The following TRIM44 variants were observed in gnomAD, a reference collection of about 807,000 sequenced individuals.
TRIM44 encodes tripartite motif containing 44, also known as tripartite motif-containing protein 44.
Under a neutral mutation model 37.4 loss-of-function variants are expected in TRIM44, and 13 were observed. That is an observed-to-expected ratio of 0.35 (90% CI 0.23 to 0.55). The LOEUF (loss-of-function observed/expected upper bound fraction) is 0.55. Ranked by LOEUF, TRIM44 falls within the 20% of genes least tolerant of loss-of-function variation. The pLI is 0.89. For synonymous variants in TRIM44, 175 were observed against 157.2 expected (o/e 1.11, Z -0.85); for missense variants, 426 against 437.2 (o/e 0.97, Z 0.23).
intron 4 of TRIM44, among the ~76,000 whole-genome samples, chr11:35,803,122 CT>C (rs1853391896): frequency 6.6e-6 from 1 of 152,152 alleles, no homozygotes; most frequent in Non-Finnish European, 1.5e-5. Context: ...ATGTTAGTGA[CT>C]TACGTAAGAT....
chr11:35,791,696 C>T (rs1853212621), intron 4 of TRIM44, among the ~76,000 whole-genome samples: 1 of 152,124 alleles, frequency 6.6e-6, no homozygotes, highest in Admixed American at 6.5e-5. Flanking sequence ...GCTCCTTGCC[C>T]CGTTGTCTTC....
At chr11:35,772,894 G>A (rs993011831) in intron 4 of TRIM44, among the ~76,000 whole-genome samples, 9 of 152,194 alleles carry the variant, frequency 5.9e-5, no homozygotes, top group Admixed American at 6.5e-5. Context: ...GTGAGGACTT[G>A]AGATTTAAAG....
chr11:35,668,248 T>C (rs1851353289), intron 1 of TRIM44, among the ~76,000 whole-genome samples: 1 of 152,218 alleles, frequency 6.6e-6, no homozygotes, highest in Non-Finnish European at 1.5e-5. Context: ...GTGCAGGATG[T>C]GCAGGTTTGT....
At chr11:35,669,724 C>T (rs1050491936) in intron 1 of TRIM44, among the ~76,000 whole-genome samples, 1 of 152,122 alleles carries the variant, frequency 6.6e-6, no homozygotes, top group Non-Finnish European at 1.5e-5. Flanking sequence ...GGTGATCCAC[C>T]TGCCTTGGCC....
At chr11:35,725,066 T>TCTCACACA (rs371948145) in intron 2 of TRIM44, among the ~76,000 whole-genome samples, 131 of 141,164 alleles carry the variant, frequency 9.3e-4, no homozygotes, top group African/African-American at 2.8e-3. Context: ...ATGCACACAC[T>TCTCACACA]CACACACACA....
chr11:35,675,462 T>G (rs1056204727), intron 1 of TRIM44, among the ~76,000 whole-genome samples: 1 of 152,202 alleles, frequency 6.6e-6, no homozygotes, highest in Non-Finnish European at 1.5e-5. Context: ...TCTGACATCC[T>G]TACTGTGTCA....
chr11:35,801,641 T>C (rs1206933871), intron 4 of TRIM44, among the ~76,000 whole-genome samples: 3 of 152,176 alleles, frequency 2.0e-5, no homozygotes, highest in East Asian at 3.9e-4. Context: ...AGCAGGTGTT[T>C]AGGGTCTGAA....
intron 2 of TRIM44, among the ~76,000 whole-genome samples, chr11:35,699,896 C>T (rs138325304): frequency 2.6e-5 from 4 of 151,872 alleles, no homozygotes; most frequent in Admixed American, 1.3e-4. Flanking sequence ...TTACAAGGGA[C>T]GTGAAGGAGC....
At chr11:35,746,503 T>C (rs1354251363) in intron 4 of TRIM44, among the ~76,000 whole-genome samples, 1 of 146,350 alleles carries the variant, frequency 6.8e-6, no homozygotes, top group Non-Finnish European at 1.5e-5. Context: ...GTTACCTCTT[T>C]ATCCAGAAGC....
chr11:35,787,984 C>T (rs1307041158), intron 4 of TRIM44, among the ~76,000 whole-genome samples: 1 of 152,206 alleles, frequency 6.6e-6, no homozygotes, highest in Non-Finnish European at 1.5e-5. Flanking sequence ...AGCTTTGATG[C>T]CAGCCTATGG....
At chr11:35,694,357 A>G (rs1830816) in intron 2 of TRIM44, among the ~76,000 whole-genome samples, 113,627 of 152,030 alleles carry the variant, frequency 0.75, 43,617 homozygotes, top group African/African-American at 0.93. Context: ...CATGATGTGA[A>G]TTAAGAAGAG....
rs1565400088 is a variant in TRIM44 at position 35,663,774 on chromosome 11, A to T, written c.663A>T (p.Glu221Asp). The T allele has an allele frequency of 6.2e-7, 1 of 1,613,286 alleles. No individual in the cohort carries two copies. The highest frequency in any genetic ancestry group is 8.5e-7 in the Non-Finnish European group (1 of 1,179,722). ...CCACCCTAGACGAAGCCTTTGAAGAATTAAGAGTAAGTATTGGGCCTTCAG... is the reference window on the plus strand; with the variant it reads ...CCACCCTAGACGAAGCCTTTGAAGATTTAAGAGTAAGTATTGGGCCTTCAG... ...QLSTLDEAFE[E>D]LRSKDSGGLK... The change falls in exon 1 of 5, where the codon GAA (glutamate) becomes GAT (aspartate). Residue 221 changes from glutamate (E) to aspartate (D), a missense_variant. Glu to Asp is a conservative substitution (Grantham distance 45). This residue lies in a region of TRIM44 where 331 missense variants were observed against 303.0 expected (regional missense o/e 1.09). Coordinates refer to ENST00000299413, the MANE Select transcript of TRIM44 (RefSeq NM_017583.6).
At chr11:35,748,801 G>A (rs1852526366) in intron 4 of TRIM44, among the ~76,000 whole-genome samples, 2 of 152,166 alleles carry the variant, frequency 1.3e-5, no homozygotes, top group African/African-American at 2.4e-5. Flanking sequence ...TATGTCCCAA[G>A]CCCTGATCAG....
At chr11:35,702,382 G>T (rs1453613419) in intron 2 of TRIM44, among the ~76,000 whole-genome samples, 1 of 152,178 alleles carries the variant, frequency 6.6e-6, no homozygotes, top group African/African-American at 2.4e-5. Context: ...CTGCGGAGTG[G>T]GCACATCCCT....
chr11:35,723,810 A>C (rs1852136976), intron 2 of TRIM44, among the ~76,000 whole-genome samples: 1 of 152,196 alleles, frequency 6.6e-6, no homozygotes, highest in Non-Finnish European at 1.5e-5. Context: ...AGGCATTCAG[A>C]AAAGTCCATC....
chr11:35,813,357 A>G lies in TRIM44; in HGVS notation c.*6972A>G, dbSNP rs549962562. The G allele has an allele frequency of 6.6e-6, 1 of 152,362 alleles. No individual in the cohort carries two copies. The highest frequency in any genetic ancestry group is 2.4e-5 in the African/African-American group (1 of 41,596). 9.4% of individuals were successfully genotyped at this position (152,362 alleles called of 1,614,324 possible). On this transcript the variant is annotated 3_prime_UTR_variant, in exon 5 of 5. Coordinates refer to ENST00000299413, the MANE Select transcript of TRIM44 (RefSeq NM_017583.6). ...CATCAAAAGTGACTGAGAATTAAGA[A>G]GTAAGCAAACAAGGCTTCCAACCAA...
rs11825171 is a variant in TRIM44, at chr11:35,804,484, C to T, written c.1008-1874C>T. Among the ~76,000 whole-genome samples, 280 of 152,306 alleles carry T rather than the reference C, an allele frequency of 1.8e-3. 2 individuals are homozygous for T. The highest frequency in any genetic ancestry group is 6.5e-3 in the African/African-American group (269 of 41,560). Reference sequence around the variant, plus strand: ...AGGTCCATGAACGTTTAAACTATGTCTCACGTTAAGAATGCTAAAAAGTGA... The same window carrying T: ...AGGTCCATGAACGTTTAAACTATGTTTCACGTTAAGAATGCTAAAAAGTGA... On this transcript the variant is annotated intron_variant, in intron 4 of 4. Coordinates refer to ENST00000299413, the MANE Select transcript of TRIM44 (RefSeq NM_017583.6).
intron 3 of TRIM44, among the ~76,000 whole-genome samples, chr11:35,731,296 G>A (rs755218720): frequency 8.5e-5 from 13 of 152,092 alleles, no homozygotes; most frequent in Non-Finnish European, 1.8e-4. Flanking sequence ...ACAAACTGAT[G>A]TTGACTTTTG....
intron 4 of TRIM44, among the ~76,000 whole-genome samples, chr11:35,758,197 C>T (rs754272727): frequency 3.3e-5 from 5 of 152,018 alleles, no homozygotes; most frequent in African/African-American, 9.7e-5. Context: ...ATTGGGTGCA[C>T]GTATATTTAG....
Sources: allele counts gnomAD v4.1 joint callset (sites outside exome capture counted in the v4.1 genomes callset), GRCh38; gene constraint gnomAD v4.1.1; regional missense constraint gnomAD v4.1.1; transcripts MANE v1.5; gene names NCBI Gene and HGNC (gene_info 2026-07-23, HGNC 2026-07-21).